The following LRRC9 variants were observed in gnomAD, a reference collection of about 807,000 sequenced individuals.
LRRC9 encodes leucine rich repeat containing 9.
A neutral mutation model predicts 63.2 loss-of-function variants in LRRC9; 122 were observed. The observed-to-expected ratio is 1.93, with a 90% CI of 1.67 to 2.24. The LOEUF (loss-of-function observed/expected upper bound fraction) is 2.24. Ranked by LOEUF, LRRC9 falls within the 30% of genes most tolerant of loss-of-function variation. LRRC9 has a pLI of 0.00. For missense variants in LRRC9, 1,071 were observed against 627.7 expected (o/e 1.71, Z -7.55); for synonymous variants, 366 against 213.1 (o/e 1.72, Z -6.25).
rs188710224 is a variant in LRRC9 at position 59,927,478 on chromosome 14, A to G, written c.-33-433A>G. On this transcript the variant is annotated intron_variant, in intron 1 of 31. Transcript: ENST00000445360. The surrounding 1 kb of genome is among the most constrained non-coding windows in gnomAD (Gnocchi z 4.4). ...ATTCTTCTCTTTGCAGTCTAGGTAT[A>G]CTTAGAGAACTGTGTTCACGTTTAG... 6.6e-6 allele frequency among the ~76,000 whole-genome samples: 1 copy of G among 152,192 alleles called. No homozygotes were observed. The highest frequency in any genetic ancestry group is 1.9e-4 in the East Asian group (1 of 5,182).
At chr14:59,965,764 TC>T (rs1409626380) in intron 10 of LRRC9, among the ~76,000 whole-genome samples, 2 of 151,314 alleles carry the variant, frequency 1.3e-5, no homozygotes, top group African/African-American at 4.9e-5. Context: ...GCGCCTGTAG[TC>T]CCAGCTACTC....
At chr14:60,057,048 C>A (rs1032077885) in intron 30 of LRRC9, among the ~76,000 whole-genome samples, 1 of 152,096 alleles carries the variant, frequency 6.6e-6, no homozygotes, top group Admixed American at 6.6e-5. Context: ...GTAAAAGGAC[C>A]AATACCTTAG....
chr14:59,980,554 T>C (rs967848160), intron 15 of LRRC9, among the ~76,000 whole-genome samples: 11 of 152,202 alleles, frequency 7.2e-5, no homozygotes, highest in Non-Finnish European at 1.5e-5. Context: ...ATGATTGAAA[T>C]TATATTGAAT....
intron 8 of LRRC9, among the ~76,000 whole-genome samples, chr14:59,953,799 A>C (rs1883427084): frequency 6.6e-6 from 1 of 152,122 alleles, no homozygotes; most frequent in Non-Finnish European, 1.5e-5. Context: ...TTTGGGTTTT[A>C]CATTTAAGTC....
At chr14:60,056,289 T>G (rs565439119) in intron 30 of LRRC9, among the ~76,000 whole-genome samples, 1 of 152,346 alleles carries the variant, frequency 6.6e-6, no homozygotes, top group South Asian at 2.1e-4. Context: ...AAAATTACCA[T>G]ATTAAAATTC....
chr14:59,993,414 A>G (rs1271262679), intron 17 of LRRC9, among the ~76,000 whole-genome samples: 1 of 152,220 alleles, frequency 6.6e-6, no homozygotes, highest in Non-Finnish European at 1.5e-5. Context: ...CTAACGAGCA[A>G]AATAACCAGC....
chr14:59,999,105 C>T (rs927710181), exon 19 of LRRC9: 9 of 654,894 alleles, frequency 1.4e-5, no homozygotes, highest in Non-Finnish European at 2.5e-5. Flanking sequence ...CCCAAGCCAG[C>T]CACATTGAGG....
chr14:59,993,328 G>A (rs999656054), intron 17 of LRRC9, among the ~76,000 whole-genome samples: 3 of 152,086 alleles, frequency 2.0e-5, no homozygotes, highest in Non-Finnish European at 2.9e-5. Context: ...ACATGGAAAG[G>A]AACAACCGGT....
chr14:59,959,421 A>G (rs1187534024), intron 8 of LRRC9, among the ~76,000 whole-genome samples: 1 of 152,238 alleles, frequency 6.6e-6, no homozygotes, highest in Non-Finnish European at 1.5e-5. Context: ...ATTGAAAAGT[A>G]TGTGTGTTAA....
intron 23 of LRRC9, among the ~76,000 whole-genome samples, chr14:60,015,979 G>A (rs1456140049): frequency 1.3e-5 from 2 of 152,210 alleles, no homozygotes; most frequent in African/African-American, 4.8e-5. Context: ...TGCTGTGCTA[G>A]GCTTCCCCTT....
rs1889576642 is a variant in LRRC9, at chr14:60,003,704, C to G, written c.2748C>G (p.Phe916Leu). The G allele has an allele frequency of 1.4e-6, 1 of 697,166 alleles. No individual in the cohort carries two copies. The highest frequency in any genetic ancestry group is 2.6e-6 in the Non-Finnish European group (1 of 383,132). 43.2% of individuals were successfully genotyped at this position (697,166 alleles called of 1,614,324 possible). Residue 916 changes from phenylalanine to leucine, a missense_variant, in exon 21 of 32, where the codon TTC becomes TTG. Physicochemically the swap from Phe to Leu is conservative, Grantham distance 22 (BLOSUM62 0). Coordinates refer to ENST00000445360, the Ensembl canonical transcript of LRRC9. The surrounding 1 kb of genome is among the most constrained non-coding windows in gnomAD (Gnocchi z 4.2). ...TGGAAAATTTGAAATGGGCATCATTCAGCAATAATAATCTCACTAAAATGG... is the reference window on the plus strand; with the variant it reads ...TGGAAAATTTGAAATGGGCATCATTGAGCAATAATAATCTCACTAAAATGG...
At chr14:59,967,888 A>G (rs1374760684) in intron 12 of LRRC9, among the ~76,000 whole-genome samples, 1 of 152,216 alleles carries the variant, frequency 6.6e-6, no homozygotes, top group Non-Finnish European at 1.5e-5. Flanking sequence ...TGTAAAATGA[A>G]GATAATAATA....
At chr14:59,957,309 G>C (rs996598946) in intron 8 of LRRC9, among the ~76,000 whole-genome samples, 1 of 152,058 alleles carries the variant, frequency 6.6e-6, no homozygotes, top group African/African-American at 2.4e-5. Flanking sequence ...ATATTTCTTG[G>C]AGGCTTTGTT....
At chr14:59,931,571 G>T in intron 4 of LRRC9, 48 bp from the exon 5 acceptor site, 1 of 680,266 alleles carries the variant, frequency 1.5e-6, no homozygotes, top group Non-Finnish European at 2.7e-6. Flanking sequence ...ATTTGTAAAT[G>T]TTAATTTTAA....
chr14:59,965,103 A>T (rs1258820602), intron 10 of LRRC9, among the ~76,000 whole-genome samples: 1 of 152,148 alleles, frequency 6.6e-6, no homozygotes, highest in Admixed American at 6.5e-5. Context: ...TCCTTATAAG[A>T]CCATTTACTT....
At chr14:60,012,310 A>T (rs1257673828) in intron 23 of LRRC9, among the ~76,000 whole-genome samples, 2 of 152,128 alleles carry the variant, frequency 1.3e-5, no homozygotes, top group African/African-American at 4.8e-5. Flanking sequence ...TTCTCTGTCC[A>T]ACACTCTCTA....
Position 60,003,968 on chromosome 14 carries a change from C to G in LRRC9, c.2842+170C>G, listed in dbSNP as rs1889601821. Among the ~76,000 whole-genome samples the G allele has an allele frequency of 6.6e-6, 1 of 151,974 alleles. No homozygotes were observed. Among genetic ancestry groups the G allele is most frequent in the South Asian group, 2.1e-4 (1 of 4,820 alleles). ...GTGAGGTAATGCAATTATTAGTTAGCTAGATTGGACCATTCTACAATGTAT... is the reference window on the plus strand; with the variant it reads ...GTGAGGTAATGCAATTATTAGTTAGGTAGATTGGACCATTCTACAATGTAT... On this transcript the variant is annotated intron_variant, in intron 21 of 31. Transcript: ENST00000445360. This position sits in a 1 kb window ranked among gnomAD's most constrained non-coding sequence, Gnocchi z 4.2.
intron 3 of LRRC9, among the ~76,000 whole-genome samples, chr14:59,929,414 C>A (rs1372537928): frequency 6.1e-5 from 9 of 148,474 alleles, no homozygotes; most frequent in South Asian, 2.1e-4. Context: ...ATTAAAAAGT[C>A]AAAAAAAAAA....
At chr14:59,987,304 C>T (rs548546671) in intron 17 of LRRC9, among the ~76,000 whole-genome samples, 14 of 150,698 alleles carry the variant, frequency 9.3e-5, no homozygotes, top group African/African-American at 3.4e-4. Context: ...AATGTAACTG[C>T]GTTTCTTTTG....
Sources: allele counts gnomAD v4.1 joint callset (sites outside exome capture counted in the v4.1 genomes callset), GRCh38; gene constraint gnomAD v4.1.1; non-coding constraint Gnocchi (gnomAD v3.1); transcripts MANE v1.5; gene names NCBI Gene and HGNC (gene_info 2026-07-23, HGNC 2026-07-21).